Variants in SLC9A9 observed in about 807,000 individuals in gnomAD.
SLC9A9 encodes sodium/hydrogen exchanger 9.
A neutral mutation model predicts 77.8 loss-of-function variants in SLC9A9; 62 were observed. The ratio of observed to expected loss-of-function variants is 0.80; its 90% confidence interval spans 0.65 to 0.98. The LOEUF is 0.98. Ranked by LOEUF, SLC9A9 falls within the 50% of genes least tolerant of loss-of-function variation. The pLI, the probability that SLC9A9 is intolerant of heterozygous loss-of-function variation, is 0.00. For synonymous variants in SLC9A9, 320 were observed against 283.5 expected, an observed-to-expected ratio of 1.13 and a Z score of -1.29; for missense variants, 775 against 774.9, an observed-to-expected ratio of 1.00 and a Z score of 0.00.
chr3:143,430,492 A>G (rs2034493098), intron 12 of SLC9A9, among the ~76,000 whole-genome samples: 1 of 152,212 alleles, frequency 6.6e-6, no homozygotes, highest in South Asian at 2.1e-4. Context: ...GTTCACAGGC[A>G]TGCAGGAAAG....
chr3:143,618,683 C>T (rs2038148745), intron 6 of SLC9A9, among the ~76,000 whole-genome samples: 1 of 152,194 alleles, frequency 6.6e-6, no homozygotes, highest in African/African-American at 2.4e-5. Flanking sequence ...ACAGGGGAGA[C>T]ATTTCTTGCC....
intron 14 of SLC9A9, among the ~76,000 whole-genome samples, chr3:143,277,358 C>T (rs6801468): frequency 0.17 from 25,651 of 152,104 alleles, 4,566 homozygotes; most frequent in African/African-American, 0.45. Flanking sequence ...ATTCCTGGGG[C>T]CTTGAAGCTA....
intron 2 of SLC9A9, among the ~76,000 whole-genome samples, chr3:143,797,155 ATCTC>A (rs1419506587): frequency 1.4e-5 from 1 of 73,736 alleles, no homozygotes. Context: ...ACTCAGTGAA[ATCTC>A]TCTGAGAAAA....
intron 9 of SLC9A9, among the ~76,000 whole-genome samples, chr3:143,529,790 G>A (rs1237134592): frequency 1.3e-5 from 2 of 152,072 alleles, no homozygotes; most frequent in Non-Finnish European, 2.9e-5. Context: ...GAGAAGAATT[G>A]AAAAATGGAA....
At chr3:143,379,369 G>A (rs1436434178) in intron 13 of SLC9A9, among the ~76,000 whole-genome samples, 1 of 152,170 alleles carries the variant, frequency 6.6e-6, no homozygotes, top group African/African-American at 2.4e-5. Flanking sequence ...CAGGTTCAGT[G>A]GCAGCTGTGA....
chr3:143,578,474 A>G, intron 7 of SLC9A9, 111 bp downstream of exon 7: 1 of 1,532,508 alleles, frequency 6.5e-7, no homozygotes, highest in Non-Finnish European at 9.0e-7. Context: ...TGAAACTTGG[A>G]CCAGACTATC....
intron 4 of SLC9A9, among the ~76,000 whole-genome samples, chr3:143,783,605 G>A (rs2007952044): frequency 6.6e-6 from 1 of 152,002 alleles, no homozygotes; most frequent in African/African-American, 2.4e-5. Flanking sequence ...ACTATAACAT[G>A]GATGAATGTT....
intron 14 of SLC9A9, among the ~76,000 whole-genome samples, chr3:143,321,819 T>C (rs1559866996): frequency 6.6e-6 from 1 of 152,230 alleles, no homozygotes. Flanking sequence ...CTATTCACTC[T>C]AGAGTAGTGA....
At chr3:143,479,334 A>T (rs2035534487) in intron 11 of SLC9A9, among the ~76,000 whole-genome samples, 1 of 151,664 alleles carries the variant, frequency 6.6e-6, no homozygotes. Context: ...GCAGCCTCCC[A>T]CTCCTGGGTT....
intron 2 of SLC9A9, among the ~76,000 whole-genome samples, chr3:143,830,257 C>T (rs1466194768): frequency 1.3e-5 from 2 of 152,166 alleles, no homozygotes; most frequent in African/African-American, 4.8e-5. Flanking sequence ...AGTCAGGTTG[C>T]TGAGTCACCT....
chr3:143,626,575 A>T (rs1425933422), intron 6 of SLC9A9, among the ~76,000 whole-genome samples: 1 of 147,126 alleles, frequency 6.8e-6, no homozygotes, highest in African/African-American at 2.5e-5. Flanking sequence ...ATGAGAACAC[A>T]TGGACACAGG....
chr3:143,826,441 C>T (rs1032655428), intron 2 of SLC9A9, among the ~76,000 whole-genome samples: 3 of 151,786 alleles, frequency 2.0e-5, no homozygotes, highest in African/African-American at 7.3e-5. Flanking sequence ...CCTTCACAGC[C>T]TTCCTTCCTC....
intron 12 of SLC9A9, among the ~76,000 whole-genome samples, chr3:143,406,009 G>A (rs2033971141): frequency 6.6e-6 from 1 of 152,190 alleles, no homozygotes; most frequent in Non-Finnish European, 1.5e-5. Flanking sequence ...TCTGCACAGA[G>A]GCATTCTGGA....
At chr3:143,552,332 A>C (rs1231896934) in intron 9 of SLC9A9, 30 bp downstream of exon 9, 2 of 1,530,718 alleles carry the variant, frequency 1.3e-6, no homozygotes, top group East Asian at 4.5e-5. Flanking sequence ...GAGAAAAGAG[A>C]CCAAGTCTGT....
rs571538046 is a variant in SLC9A9 at position 143,317,045 on chromosome 3, G to A, written c.1604+46439C>T. Among the ~76,000 whole-genome samples, 30 of 152,238 alleles carry A rather than the reference G, an allele frequency of 2.0e-4. 1 individual carries two copies. The East Asian group carries it at 5.0e-3, about 25-fold the overall frequency. On this transcript the variant is annotated intron_variant, in intron 14 of 15. Coordinates refer to ENST00000316549, the MANE Select transcript of SLC9A9 (RefSeq NM_173653.4). ...TGCTAGGAACAGGGCCTGAAATACA[G>A]TCAGCACTCAATAATCGTTGACCAT... is the stretch of plus-strand genomic sequence containing the variant.
chr3:143,512,579 TA>T (rs1422758051), intron 9 of SLC9A9, among the ~76,000 whole-genome samples: 3 of 152,190 alleles, frequency 2.0e-5, no homozygotes, highest in Non-Finnish European at 4.4e-5. Context: ...CCGTTATGTC[TA>T]AAAAACAATG....
chr3:143,542,226 C>G (rs1423155167), intron 9 of SLC9A9, among the ~76,000 whole-genome samples: 1 of 152,112 alleles, frequency 6.6e-6, no homozygotes, highest in Non-Finnish European at 1.5e-5. Context: ...ACCAGCTTAG[C>G]TAAGGAGAAA....
intron 14 of SLC9A9, among the ~76,000 whole-genome samples, chr3:143,347,485 T>G (rs140203858): frequency 0.028 from 4,278 of 152,228 alleles, 75 homozygotes; most frequent in South Asian, 0.039. Flanking sequence ...ATGCAGGCAT[T>G]TTTGGCTAAA....
In SLC9A9 at chr3:143,493,735, G is replaced by T. The variant is rs776753475; in HGVS notation, c.1233C>A (p.Asn411Lys). The T allele has an allele frequency of 6.2e-7, 1 of 1,614,078 alleles. No individual in the cohort carries two copies. The change falls in exon 11 of 16, where the codon AAC becomes AAA. Residue 411 changes from asparagine (N) to lysine (K), a missense_variant. By Grantham distance (94) the Asn-to-Lys change is moderately conservative. Transcript: ENST00000316549. Reference sequence around the variant, plus strand: ...TCAGGAGGAAGGAGAGGGGATATATGTTGCAGGCTCTGGCAACAAAAATTG... The same window carrying T: ...TCAGGAGGAAGGAGAGGGGATATATTTTGCAGGCTCTGGCAACAAAAATTG... ...FLAIFVARAC[N>K]IYPLSFLLNL...
Sources: gnomAD v4.1 joint callset for allele counts (sites outside exome capture counted in the v4.1 genomes callset) on GRCh38, gnomAD v4.1.1 for gene constraint, MANE v1.5 for transcripts, NCBI Gene and HGNC (gene_info 2026-07-23, HGNC 2026-07-21) for gene names.